Variants in TRPM6 observed in about 807,000 individuals in gnomAD.
The protein encoded by TRPM6 is channel kinase 2.
A neutral mutation model predicts 247.6 loss-of-function variants in TRPM6; 111 were observed. The ratio of observed to expected loss-of-function variants is 0.45; its 90% confidence interval spans 0.38 to 0.52. TRPM6 has a LOEUF of 0.52. TRPM6 is among the 20% of genes least tolerant of loss of function. The probability of loss-of-function intolerance (pLI) is 0.00; values close to 1 mark genes in which losing one functional copy is unlikely to be tolerated. For missense variants in TRPM6, 2,126 were observed against 2,421.5 expected (o/e 0.88, Z 2.56); for synonymous variants, 892 against 853.8 (o/e 1.04, Z -0.78).
At chr9:74,772,770 G>A (rs1217179616) in intron 24 of TRPM6, among the ~76,000 whole-genome samples, 1 of 152,198 alleles carries the variant, frequency 6.6e-6, no homozygotes, top group East Asian at 1.9e-4. Context: ...CACTTTGGGA[G>A]GCCGAGGCAG....
At chr9:74,844,622 TG>T (rs1439007584) in intron 3 of TRPM6, among the ~76,000 whole-genome samples, 2 of 152,258 alleles carry the variant, frequency 1.3e-5, no homozygotes, top group East Asian at 1.9e-4. Context: ...AGGGGAATGC[TG>T]TGGCTGGTTT....
At chr9:74,790,055 A>G (rs1827851831) in intron 19 of TRPM6, among the ~76,000 whole-genome samples, 1 of 147,342 alleles carries the variant, frequency 6.8e-6, no homozygotes. Context: ...CTCACAAGTC[A>G]TATTATTTTA....
rs1423339612 is a variant in TRPM6 at position 74,723,897 on chromosome 9, T to A, written c.*716A>T. ...TCCATATATATTATATATATAAAAATATATATAATATACATATTCCATATA... is the reference window on the plus strand; with the variant it reads ...TCCATATATATTATATATATAAAAAAATATATAATATACATATTCCATATA... On this transcript the variant is annotated 3_prime_UTR_variant, in exon 39 of 39. Coordinates refer to ENST00000360774, the MANE Select transcript of TRPM6 (RefSeq NM_017662.5). The A allele has an allele frequency of 7.1e-6, 1 of 139,956 alleles. No homozygotes were observed. Among genetic ancestry groups the A allele is most frequent in the African/African-American group, 3.0e-5 (1 of 33,796 alleles). 8.7% of individuals were successfully genotyped at this position (139,956 alleles called of 1,614,324 possible).
At chr9:74,792,314 TAG>T (rs1230063912) in intron 19 of TRPM6, among the ~76,000 whole-genome samples, 1 of 152,178 alleles carries the variant, frequency 6.6e-6, no homozygotes, top group Non-Finnish European at 1.5e-5. Flanking sequence ...TCAGAGTTTT[TAG>T]AGACAGGAGC....
chr9:74,837,453 CTT>C (rs569656557), intron 5 of TRPM6, among the ~76,000 whole-genome samples: 3 of 145,632 alleles, frequency 2.1e-5, no homozygotes, highest in Non-Finnish European at 3.0e-5. Flanking sequence ...TTGTTGTTTT[CTT>C]TTTTTTTTTT....
chr9:74,790,433 A>C (rs1453282482), intron 19 of TRPM6, among the ~76,000 whole-genome samples: 3 of 151,980 alleles, frequency 2.0e-5, no homozygotes, highest in Non-Finnish European at 4.4e-5. Flanking sequence ...TAGACAATTT[A>C]CTCCTTAACT....
At chr9:74,749,483 G>T (rs1442916508) in intron 30 of TRPM6, among the ~76,000 whole-genome samples, 4 of 152,116 alleles carry the variant, frequency 2.6e-5, no homozygotes, top group Non-Finnish European at 4.4e-5. Flanking sequence ...TTAAACTAAA[G>T]GATTCCTGAA....
At chr9:74,755,714 G>A in intron 27 of TRPM6, among the ~76,000 whole-genome samples, 1 of 152,162 alleles carries the variant, frequency 6.6e-6, no homozygotes, top group Admixed American at 6.5e-5. Context: ...AATCTTGAGT[G>A]CACATCAGAA....
intron 1 of TRPM6, among the ~76,000 whole-genome samples, chr9:74,868,119 A>T (rs1830911134): frequency 6.7e-6 from 1 of 148,204 alleles, no homozygotes; most frequent in African/African-American, 2.5e-5. Flanking sequence ...GCACCCCTGT[A>T]CTCCAGCCTG....
At chr9:74,746,532 T>C (rs1396655384) in intron 31 of TRPM6, among the ~76,000 whole-genome samples, 2 of 152,166 alleles carry the variant, frequency 1.3e-5, no homozygotes, top group East Asian at 1.9e-4. Context: ...ATCATGCCTA[T>C]GGGCCTGGAA....
At chr9:74,775,021 G>A (rs887930433) in intron 24 of TRPM6, among the ~76,000 whole-genome samples, 3 of 152,094 alleles carry the variant, frequency 2.0e-5, no homozygotes, top group African/African-American at 7.2e-5. Flanking sequence ...AAATGGGCCT[G>A]GTACCAATTG....
In TRPM6 at chr9:74,821,811, C is replaced by G. The variant is rs144129718; in HGVS notation, c.868G>C (p.Gly290Arg). The change falls in exon 8 of 39, where the codon GGG (glycine) becomes CGG (arginine). Residue 290 changes from glycine to arginine, a missense_variant. This residue lies in a region of TRPM6 where 1,082 missense variants were observed against 1,307.9 expected (regional missense o/e 0.83). Transcript: ENST00000360774. ...TTGGGACCGCCTTCCACCACCAGCCCCACGACCGGCACGCCTTGTCTTGAG... is the reference window on the plus strand; with the variant it reads ...TTGGGACCGCCTTCCACCACCAGCCGCACGACCGGCACGCCTTGTCTTGAG... ...CRSRQGVPVV[G>R]LVVEGGPNVI... 22 of 1,614,038 alleles carry G rather than the reference C, an allele frequency of 1.4e-5. No homozygotes were observed. In the African/African-American group the frequency reaches 2.9e-4, roughly 22 times the overall value.
chr9:74,800,056 C>T (rs1828258743), intron 17 of TRPM6, 198 bp downstream of exon 17: 2 of 611,260 alleles, frequency 3.3e-6, no homozygotes, highest in African/African-American at 1.8e-5. Context: ...AGAAGACGAC[C>T]ATCCCCGATA....
intron 1 of TRPM6, among the ~76,000 whole-genome samples, chr9:74,885,995 G>C (rs184949674): frequency 1.7e-4 from 26 of 152,334 alleles, no homozygotes; most frequent in African/African-American, 6.3e-4. Flanking sequence ...CCAAATGCTT[G>C]ATAGTTTTGG....
At chr9:74,742,757 A>C in intron 32 of TRPM6, 131 bp from the exon 33 acceptor site, 2 of 806,260 alleles carry the variant, frequency 2.5e-6, no homozygotes, top group South Asian at 3.0e-5. Flanking sequence ...CATTATCAAA[A>C]ATATAATCTA....
intron 20 of TRPM6, among the ~76,000 whole-genome samples, chr9:74,787,339 GAA>G (rs71368679): frequency 1.5e-5 from 2 of 131,674 alleles, no homozygotes; most frequent in African/African-American, 2.8e-5. Context: ...TGTCTCAAAA[GAA>G]AAAAAAAAAG....
intron 1 of TRPM6, among the ~76,000 whole-genome samples, chr9:74,870,510 A>G (rs896679696): frequency 2.0e-5 from 3 of 152,212 alleles, no homozygotes; most frequent in Non-Finnish European, 2.9e-5. Context: ...CCTGTAGGTA[A>G]TCTCTACCAG....
At position 74,782,409 on chromosome 9, in the gene TRPM6, G is replaced by C; in HGVS notation, c.3162C>G (p.Leu1054=). 6.2e-7 allele frequency: 1 copy of C among 1,614,098 alleles called. No individual in the cohort carries two copies. Among genetic ancestry groups the C allele is most frequent in the Non-Finnish European group, 8.5e-7 (1 of 1,180,016 alleles). Residue 1054 remains leucine (L), a synonymous_variant, in exon 23 of 39, where the codon CTC becomes CTG. Coordinates refer to ENST00000360774, the MANE Select transcript of TRPM6 (RefSeq NM_017662.5). ...TCACCATGATGATATATTGCACGAA[G>C]AGGTAGACAGCTTGCAAGAATGGAG... The part of the protein sequence containing the change: ...FLTPFLQAVY[L]FVQYIIMVNL...
chr9:74,819,214 C>G lies in TRPM6; in HGVS notation c.1134+1090G>C, dbSNP rs138205091. Among the ~76,000 whole-genome samples the G allele has an allele frequency of 4.4e-3, 664 of 151,782 alleles. 6 individuals are homozygous for G. The highest frequency in any genetic ancestry group is 0.015 in the African/African-American group (629 of 41,344). On this transcript the variant is annotated intron_variant, in intron 9 of 38. Transcript: ENST00000360774. Reference sequence around the variant, plus strand: ...GTCCAAGCTACTCAGGAGGCTGAAGCATGAGAATCACTTGAGCCTAGGAGG... The same window carrying G: ...GTCCAAGCTACTCAGGAGGCTGAAGGATGAGAATCACTTGAGCCTAGGAGG...
Sources: gnomAD v4.1 joint callset for allele counts (sites outside exome capture counted in the v4.1 genomes callset) on GRCh38, gnomAD v4.1.1 for gene constraint, gnomAD v4.1.1 regional missense constraint, MANE v1.5 for transcripts, NCBI Gene and HGNC (gene_info 2026-07-23, HGNC 2026-07-21) for gene names.